Variants in PCDH15 observed in about 807,000 individuals in gnomAD.
The protein encoded by PCDH15 is protocadherin related 15, also known as protocadherin-15.
A neutral mutation model predicts 178.5 loss-of-function variants in PCDH15; 129 were observed. The ratio of observed to expected loss-of-function variants is 0.72; its 90% CI spans 0.63 to 0.84. The LOEUF (loss-of-function observed/expected upper bound fraction) is 0.84. Among genes scored for constraint, PCDH15 ranks in the 40% least tolerant of loss-of-function variants. The probability of loss-of-function intolerance (pLI) is 0.00; values close to 1 mark genes in which losing one functional copy is unlikely to be tolerated. For synonymous variants in PCDH15, 800 were observed against 732.0 expected, an observed-to-expected ratio of 1.09 and a Z score of -1.50; for missense variants, 2,230 against 2,099.9, an observed-to-expected ratio of 1.06 and a Z score of -1.21.
chr10:55,473,333 T>TAA (rs1255950499), intron 2 of PCDH15, among the ~76,000 whole-genome samples: 2 of 143,422 alleles, frequency 1.4e-5, no homozygotes, highest in African/African-American at 5.1e-5. Context: ...ATAGGGTATA[T>TAA]AAAAAAAAAA....
intron 20 of PCDH15, among the ~76,000 whole-genome samples, chr10:54,019,105 T>C (rs2092831737): frequency 6.6e-6 from 1 of 152,084 alleles, no homozygotes; most frequent in African/African-American, 2.4e-5. Context: ...CTCTATTCCT[T>C]TCTGACCAGC....
intron 3 of PCDH15, among the ~76,000 whole-genome samples, chr10:54,893,722 C>A (rs994465768): frequency 1.3e-5 from 2 of 151,852 alleles, no homozygotes; most frequent in Admixed American, 6.6e-5. Flanking sequence ...AATAATTTCC[C>A]AGATTACATA....
chr10:55,585,055 T>A (rs1842698608), intron 2 of PCDH15, among the ~76,000 whole-genome samples: 1 of 151,252 alleles, frequency 6.6e-6, no homozygotes, highest in South Asian at 2.1e-4. Context: ...ATATTATTAA[T>A]ACTATATAAA....
At position 55,288,343 on chromosome 10, in the gene PCDH15, A is replaced by T. The variant is rs571198532; in HGVS notation, c.-156+31256T>A. Among the ~76,000 whole-genome samples the T allele has an allele frequency of 3.3e-5, 5 of 151,718 alleles. No homozygotes were observed. The South Asian group carries it at 1.0e-3, about 32-fold the overall frequency. On this transcript the variant is annotated intron_variant, in intron 1 of 5. Transcript: ENST00000458638. ...TTTTAACCACATAGCAATCTCAACT[A>T]AGCAAAGTAAATAAAACTAAACCCA...
At chr10:55,515,662 T>C (rs1840995255) in intron 2 of PCDH15, among the ~76,000 whole-genome samples, 1 of 152,074 alleles carries the variant, frequency 6.6e-6, no homozygotes, top group Non-Finnish European at 1.5e-5. Flanking sequence ...TTTGTGGTCC[T>C]AAATAACTCT....
chr10:54,782,746 G>A (rs1314521167), intron 1 of PCDH15, among the ~76,000 whole-genome samples: 7 of 152,020 alleles, frequency 4.6e-5, no homozygotes, highest in Non-Finnish European at 1.0e-4. Flanking sequence ...AACACATCCA[G>A]TGGTAGTACT....
intron 3 of PCDH15, among the ~76,000 whole-genome samples, chr10:54,385,075 G>A (rs1949753284): frequency 6.6e-6 from 1 of 152,066 alleles, no homozygotes; most frequent in African/African-American, 2.4e-5. Flanking sequence ...CAGGCAGAGA[G>A]AAAGGTCACA....
intron 2 of PCDH15, among the ~76,000 whole-genome samples, chr10:54,663,479 G>A (rs2094522433): frequency 6.7e-6 from 1 of 148,642 alleles, no homozygotes; most frequent in South Asian, 2.1e-4. Flanking sequence ...TGTCATTATA[G>A]GCTATTCTAA....
intron 1 of PCDH15, among the ~76,000 whole-genome samples, chr10:55,269,320 A>G (rs1239352358): frequency 1.3e-5 from 2 of 152,138 alleles, no homozygotes; most frequent in Admixed American, 1.3e-4. Context: ...AGGCATTCAA[A>G]TAGGAAAATA....
At chr10:54,427,631 G>C (rs1956452094) in intron 3 of PCDH15, among the ~76,000 whole-genome samples, 1 of 152,092 alleles carries the variant, frequency 6.6e-6, no homozygotes, top group East Asian at 1.9e-4. Flanking sequence ...TGCAAATACA[G>C]TGTAGGGTCA....
chr10:54,027,444 A>G (rs1210731794), intron 18 of PCDH15, among the ~76,000 whole-genome samples: 1 of 152,130 alleles, frequency 6.6e-6, no homozygotes, highest in East Asian at 1.9e-4. Context: ...AAACTACTTT[A>G]AAGTTCATAT....
In PCDH15 at chr10:53,805,349, A is replaced by G. The variant is rs959115910; in HGVS notation, c.*1230T>C. ...ATCTATATTGTTTCATTCTTTTTAC[A>G]TCATCTGGAAAATAAGCAACACACA... On this transcript the variant is annotated 3_prime_UTR_variant, in exon 38 of 38. Coordinates refer to ENST00000644397, the MANE Select transcript of PCDH15 (RefSeq NM_001384140.1). The G allele has an allele frequency of 1.3e-5, 2 of 152,012 alleles. No homozygotes were observed. Among genetic ancestry groups the G allele is most frequent in the Non-Finnish European group, 2.9e-5 (2 of 67,964 alleles). The allele number at this position is 152,012 out of a possible 1,614,324, so 9.4% of individuals were successfully genotyped here. A position where few individuals can be genotyped will look rare whatever the true frequency, so the allele number is the denominator to read the frequency against.
intron 1 of PCDH15, among the ~76,000 whole-genome samples, chr10:55,296,721 A>AT (rs1041311044): frequency 1.3e-5 from 2 of 151,820 alleles, no homozygotes; most frequent in South Asian, 2.1e-4. Context: ...TTTTTAATTT[A>AT]TTTTTTTTAA....
At chr10:55,216,158 G>A (rs189665865) in intron 1 of PCDH15, among the ~76,000 whole-genome samples, 39 of 151,578 alleles carry the variant, frequency 2.6e-4, no homozygotes. Context: ...CATAGAATAG[G>A]TGCTCAACAA....
chr10:54,731,392 G>A (rs1329019869), intron 1 of PCDH15, among the ~76,000 whole-genome samples: 1 of 149,980 alleles, frequency 6.7e-6, no homozygotes, highest in East Asian at 2.0e-4. Flanking sequence ...ACTACTATAT[G>A]ATCCAGCATT....
intron 1 of PCDH15, among the ~76,000 whole-genome samples, chr10:54,703,075 A>T (rs1174289824): frequency 2.6e-5 from 4 of 152,140 alleles, no homozygotes; most frequent in Non-Finnish European, 5.9e-5. Flanking sequence ...GGTTCAACAT[A>T]TGCAAAGTTA....
intron 1 of PCDH15, among the ~76,000 whole-genome samples, chr10:55,233,933 G>A (rs118037371): frequency 0.058 from 8,851 of 152,076 alleles, 340 homozygotes; most frequent in Non-Finnish European, 0.089. Flanking sequence ...GAAGATGAAC[G>A]AGTATGGATG....
At chr10:55,059,649 T>C (rs1310580888) in intron 2 of PCDH15, among the ~76,000 whole-genome samples, 2 of 152,142 alleles carry the variant, frequency 1.3e-5, no homozygotes, top group Non-Finnish European at 2.9e-5. Context: ...AATGCCTGTT[T>C]AGAGTTACAA....
In PCDH15 at chr10:54,049,358, A is replaced by C. The variant is rs762570821; in HGVS notation, c.2220+17399T>G. The stretch of plus-strand genomic sequence containing the variant: ...TTCTGTTCCTACTTGGATGTCTTTT[A>C]TTTCTTTCTTTGCCTGATTTCTCTA... On this transcript the variant is annotated intron_variant, in intron 18 of 37. Coordinates refer to ENST00000644397, the MANE Select transcript of PCDH15 (RefSeq NM_001384140.1). 5.7e-4 allele frequency among the ~76,000 whole-genome samples: 86 copies of C among 151,952 alleles called. 1 individual carries two copies. The highest frequency in any genetic ancestry group is 8.1e-4 in the Non-Finnish European group (55 of 67,966).
Sources: allele counts gnomAD v4.1 joint callset (sites outside exome capture counted in the v4.1 genomes callset), GRCh38; gene constraint gnomAD v4.1.1; transcripts MANE v1.5; gene names NCBI Gene and HGNC (gene_info 2026-07-23, HGNC 2026-07-21).